Variants in ZNF449 observed in about 807,000 individuals in gnomAD.
ZNF449 encodes zinc finger and SCAN domain-containing protein 19.
Under a neutral mutation model 32.6 loss-of-function variants are expected in ZNF449, and 4 were observed. The ratio of observed to expected loss-of-function variants is 0.12; its 90% CI spans 0.06 to 0.28. The LOEUF is 0.28. Ranked by LOEUF, ZNF449 falls within the 10% of genes least tolerant of loss-of-function variation. The pLI, the probability that ZNF449 is intolerant of heterozygous loss-of-function variation, is 1.00. For missense variants in ZNF449, 275 were observed against 383.2 expected (o/e 0.72, Z 2.36); for synonymous variants, 123 against 132.2 (o/e 0.93, Z 0.48).
intron 1 of ZNF449, among the ~76,000 whole-genome samples, chrX:135,346,215 C>G (rs1246113576): frequency 8.9e-6 from 1 of 112,108 alleles, no homozygotes; most frequent in Non-Finnish European, 1.9e-5. Context: ...GAATGCATAG[C>G]AAATTCCTAA....
chrX:135,360,750 G>C lies in ZNF449; in HGVS notation c.1231G>C (p.Glu411Gln). 1 of 1,211,453 alleles carries C rather than the reference G, an allele frequency of 8.3e-7. No individual in the cohort carries two copies. The highest frequency in any genetic ancestry group is 1.1e-6 in the Non-Finnish European group (1 of 895,359). ...HSEEETYKCL[E>Q]CGKSFCHGSS... ...TGAAGAAGAAACATATAAATGTCTT[G>C]AGTGTGGGAAAAGTTTTTGTCATGG... Residue 411 changes from glutamate to glutamine, a missense_variant, in exon 5 of 5, where the codon GAG (glutamate) becomes CAG (glutamine). Transcript: ENST00000339249.
In ZNF449 at chrX:135,360,486, C is replaced by T. The variant is rs782389091; in HGVS notation, c.967C>T (p.His323Tyr). The T allele has an allele frequency of 1.5e-5, 18 of 1,211,453 alleles. No individual in the cohort carries two copies. Among genetic ancestry groups the T allele is most frequent in the Non-Finnish European group, 1.6e-5 (14 of 895,334 alleles). ...GAAAAAGAGTCCAGGAGAGAAACCT[C>T]ACCGATGTCCTCAGTGTGGAAAATG... ...HKKKSPGEKP[H>Y]RCPQCGKCFA... Residue 323 changes from histidine (H) to tyrosine (Y), a missense_variant, in exon 5 of 5, where the codon CAC becomes TAC. This residue lies in a region of ZNF449 where 165 missense variants were observed against 175.0 expected (regional missense o/e 0.94). Coordinates refer to ENST00000339249, the MANE Select transcript of ZNF449 (RefSeq NM_152695.6).
Position 135,361,337 on chromosome X carries a change from C to A in ZNF449, c.*261C>A. 1 of 266,786 alleles carries A rather than the reference C, an allele frequency of 3.7e-6. No homozygotes were observed. The highest frequency in any genetic ancestry group is 6.6e-6 in the Non-Finnish European group (1 of 152,313). The allele number at this position is 266,786 out of a possible 1,213,427, so 22.0% of individuals were successfully genotyped here. ...AATTACAATGAAAAATTTTGTGTTC[C>A]AAGGCAACTGTATCATAGGTGTAAA... On this transcript the variant is annotated 3_prime_UTR_variant, in exon 5 of 5. Coordinates refer to ENST00000339249, the MANE Select transcript of ZNF449 (RefSeq NM_152695.6).
rs782561808 is a variant in ZNF449, at chrX:135,359,920, C to T, written c.588C>T (p.Asn196=). The T allele has an allele frequency of 9.2e-6, 11 of 1,196,804 alleles. No homozygotes were observed. Among genetic ancestry groups the T allele is most frequent in the Non-Finnish European group, 1.1e-5 (10 of 886,589 alleles). ...ATCCATTACCAAAACTTGACATGAA[C>T]TTCTCATTGGAGAATAGAGAAGAGC... ...PGYPLPKLDM[N]FSLENREEPW... is the part of the protein sequence containing the mutation. The change falls in exon 4 of 5, where the codon AAC becomes AAT. Residue 196 remains asparagine, a synonymous_variant. Transcript: ENST00000339249.
chrX:135,356,300 CTT>C lies in ZNF449; in HGVS notation c.560-3591_560-3590del, dbSNP rs782814110. ...TTCCGACCAGCAGTGTACAAGCACT[CTT>C]ATTTCTTCACATCCTAGGCGACATT... On this transcript the variant is annotated intron_variant, in intron 3 of 4. Transcript: ENST00000339249. Among the ~76,000 whole-genome samples, 3 of 111,663 alleles carry C rather than the reference CTT, an allele frequency of 2.7e-5. No individual in the cohort carries two copies. The East Asian group carries it at 8.4e-4, about 31-fold the overall frequency.
chrX:135,354,764 G>A (rs1391049407), intron 3 of ZNF449, among the ~76,000 whole-genome samples: 1 of 111,061 alleles, frequency 9.0e-6, no homozygotes, highest in Non-Finnish European at 1.9e-5. Flanking sequence ...TAGACTTGAG[G>A]GCCAATATGG....
Position 135,362,523 on chromosome X carries a change from C to T in ZNF449, c.*1447C>T, listed in dbSNP as rs1197292307. The T allele has an allele frequency of 8.9e-6, 1 of 112,261 alleles. No homozygotes were observed. The highest frequency in any genetic ancestry group is 1.9e-5 in the Non-Finnish European group (1 of 53,139). 9.3% of individuals were successfully genotyped at this position (112,261 alleles called of 1,213,427 possible). On this transcript the variant is annotated 3_prime_UTR_variant, in exon 5 of 5. Transcript: ENST00000339249. ...GGAAGACTTCTCATTGTCAGTTAAA[C>T]CTGTTAAAACATGAAAATATTCATT... is the stretch of plus-strand genomic sequence containing the variant.
At chrX:135,355,533 C>A in intron 3 of ZNF449, among the ~76,000 whole-genome samples, 1 of 110,378 alleles carries the variant, frequency 9.1e-6, no homozygotes, top group East Asian at 2.8e-4. Flanking sequence ...GTTTTTTTCC[C>A]TGTGAAAATG....
intron 4 of ZNF449, 34 bp from the exon 5 acceptor site, chrX:135,360,159 C>T (rs909033090): frequency 8.7e-7 from 1 of 1,152,355 alleles, no homozygotes; most frequent in Non-Finnish European, 1.1e-6. Context: ...CCATGGAACA[C>T]AATATCATCT....
chrX:135,347,787 C>A, intron 2 of ZNF449: 1 of 600,325 alleles, frequency 1.7e-6, no homozygotes, highest in Non-Finnish European at 2.6e-6. Flanking sequence ...AAGGCCAATT[C>A]TAGCCATACC....
rs782816464 is a variant in ZNF449, at chrX:135,347,118, G to A, written c.-1G>A. 2.3e-5 allele frequency: 27 copies of A among 1,191,657 alleles called. No individual in the cohort carries two copies. Among genetic ancestry groups the A allele is most frequent in the Non-Finnish European group, 2.9e-5 (26 of 884,566 alleles). On this transcript the variant is annotated 5_prime_UTR_variant, in exon 2 of 5. Coordinates refer to ENST00000339249, the MANE Select transcript of ZNF449 (RefSeq NM_152695.6). ...AAACTGTAAACTGCTGGAAGGGGGC[G>A]ATGGCTGTGGCCCTGGGTTGTGCAA... is the stretch of plus-strand genomic sequence containing the variant.
chrX:135,349,159 C>T lies in ZNF449; in HGVS notation c.404C>T (p.Ala135Val). Residue 135 changes from alanine (A) to valine (V), a missense_variant, in exon 3 of 5, where the codon GCA becomes GTA. Ala to Val is a moderately conservative substitution (Grantham distance 64). Coordinates refer to ENST00000339249, the MANE Select transcript of ZNF449 (RefSeq NM_152695.6). ...LLEELAPVGT[A>V]HIPPTMHLES... ...GAAGAACTGGCACCAGTGGGAACGGCACACATACCACCAACCATGCACCTA... is the reference window on the plus strand; with the variant it reads ...GAAGAACTGGCACCAGTGGGAACGGTACACATACCACCAACCATGCACCTA... 1 of 1,211,515 alleles carries T rather than the reference C, an allele frequency of 8.3e-7. No homozygotes were observed. Among genetic ancestry groups the T allele is most frequent in the South Asian group, 1.8e-5 (1 of 56,963 alleles).
Position 135,347,011 on chromosome X carries a change from G to T in ZNF449, c.-100-8G>T, listed in dbSNP as rs1338054397. 5.2e-6 allele frequency: 4 copies of T among 773,154 alleles called. No individual in the cohort carries two copies. The highest frequency in any genetic ancestry group is 7.4e-6 in the Non-Finnish European group (4 of 540,969). The allele number at this position is 773,154 out of a possible 1,213,427, so 63.7% of individuals were successfully genotyped here. On this transcript the variant is annotated splice_polypyrimidine_tract_variant and splice_region_variant and intron_variant, in intron 1 of 4. Coordinates refer to ENST00000339249, the MANE Select transcript of ZNF449 (RefSeq NM_152695.6). Reference sequence around the variant, plus strand: ...TGTTTCTCCTTTCTCATTTTTTTCTGTCCTTAGCTGTAGGTGGCTCCCTCC... The same window carrying T: ...TGTTTCTCCTTTCTCATTTTTTTCTTTCCTTAGCTGTAGGTGGCTCCCTCC...
At position 135,360,958 on chromosome X, in the gene ZNF449, T is replaced by C; in HGVS notation, c.1439T>C (p.Ile480Thr). Residue 480 changes from isoleucine (I) to threonine (T), a missense_variant, in exon 5 of 5, where the codon ATT becomes ACT. Ile to Thr is a moderately conservative substitution (Grantham distance 89). Around this residue, in one of 3 missense-constraint regions of ZNF449, gnomAD observed 80 missense variants for 146.6 expected, o/e 0.55. Transcript: ENST00000339249. The part of the protein sequence containing the change: ...KSFRQRPSLV[I>T]HLRIHTGEKP... ...TTTAGACAGAGACCAAGCCTCGTTA[T>C]TCATTTAAGAATCCACACAGGGGAG... The C allele has an allele frequency of 8.3e-7, 1 of 1,211,559 alleles. No individual in the cohort carries two copies. Among genetic ancestry groups the C allele is most frequent in the African/African-American group, 1.7e-5 (1 of 57,822 alleles).
intron 3 of ZNF449, among the ~76,000 whole-genome samples, chrX:135,355,332 T>C (rs2148505461): frequency 9.0e-6 from 1 of 110,903 alleles, no homozygotes; most frequent in East Asian, 2.8e-4. Context: ...ATCCTTTGTG[T>C]TACAAACAAT....
In ZNF449 at chrX:135,360,575, A is replaced by G; in HGVS notation, c.1056A>G (p.Lys352=). ...TTCATTCAGGAGAAGAACCTCACAA[A>G]TGCCCTGAATGTGGGAAAAGATTCC... is the stretch of plus-strand genomic sequence containing the variant. ...QRIHSGEEPH[K]CPECGKRFLR... The change falls in exon 5 of 5, where the codon AAA becomes AAG. Residue 352 remains lysine (K), a synonymous_variant. Transcript: ENST00000339249. 3 of 1,211,651 alleles carry G rather than the reference A, an allele frequency of 2.5e-6. No homozygotes were observed. In the African/African-American group the frequency reaches 5.2e-5, roughly 21 times the overall value.
chrX:135,349,723 A>G (rs1432667577), intron 3 of ZNF449, among the ~76,000 whole-genome samples: 4 of 112,457 alleles, frequency 3.6e-5, no homozygotes, highest in Non-Finnish European at 7.5e-5. Context: ...ATCCTGTAAG[A>G]TCAACCACTT....
chrX:135,361,444 A>G lies in ZNF449; in HGVS notation c.*368A>G, dbSNP rs2084946949. 2 of 131,506 alleles carry G rather than the reference A, an allele frequency of 1.5e-5. No individual in the cohort carries two copies. Among genetic ancestry groups the G allele is most frequent in the East Asian group, 2.2e-4 (1 of 4,644 alleles). 10.8% of individuals were successfully genotyped at this position (131,506 alleles called of 1,213,427 possible). A position where few individuals can be genotyped will look rare whatever the true frequency, so the allele number is the denominator to read the frequency against. ...AACCTGTCTATCAGACGTATTGATT[A>G]TAGCAGTACTATAGTTATTCTGCTG... is the stretch of plus-strand genomic sequence containing the variant. On this transcript the variant is annotated 3_prime_UTR_variant, in exon 5 of 5. Transcript: ENST00000339249.
At chrX:135,358,729 G>A (rs782454318) in intron 3 of ZNF449, among the ~76,000 whole-genome samples, 12 of 111,578 alleles carry the variant, frequency 1.1e-4, no homozygotes, top group South Asian at 3.7e-4. Flanking sequence ...TTGTACCTAA[G>A]CCTTTGCTAT....
Sources: gnomAD v4.1 joint callset for allele counts (sites outside exome capture counted in the v4.1 genomes callset) on GRCh38, gnomAD v4.1.1 for gene constraint, gnomAD v4.1.1 regional missense constraint, MANE v1.5 for transcripts, NCBI Gene and HGNC (gene_info 2026-07-23, HGNC 2026-07-21) for gene names.